The following GPR39 variants were observed in gnomAD, a reference collection of about 807,000 sequenced individuals.
GPR39 encodes G protein-coupled receptor 39.
In GPR39, 23 loss-of-function variants were observed where a neutral mutation model predicts 18.4. The ratio of observed to expected loss-of-function variants is 1.25; its 90% CI spans 0.90 to 1.77. The LOEUF is 1.77. Among genes scored for constraint, GPR39 ranks in the 40% most tolerant of loss-of-function variants. The pLI is 0.00. For missense variants in GPR39, 647 were observed against 602.4 expected (o/e 1.07, Z -0.78); for synonymous variants, 280 against 257.9 (o/e 1.09, Z -0.82).
intron 1 of GPR39, among the ~76,000 whole-genome samples, chr2:132,638,512 G>T (rs913576623): frequency 6.6e-6 from 1 of 152,186 alleles, no homozygotes; most frequent in African/African-American, 2.4e-5. Flanking sequence ...GAAGTTCCCA[G>T]GTGGCGCTGA....
intron 1 of GPR39, among the ~76,000 whole-genome samples, chr2:132,516,147 C>T (rs1458907254): frequency 1.3e-5 from 2 of 152,098 alleles, no homozygotes; most frequent in African/African-American, 2.4e-5. Context: ...TCTTGCTCGC[C>T]AGGCTTTTGA....
chr2:132,459,581 C>T (rs1355157481), intron 1 of GPR39, among the ~76,000 whole-genome samples: 1 of 152,134 alleles, frequency 6.6e-6, no homozygotes, highest in African/African-American at 2.4e-5. Flanking sequence ...CATTTAGGGA[C>T]ATGGTCTGGG....
At chr2:132,461,363 A>G (rs1680829304) in intron 1 of GPR39, among the ~76,000 whole-genome samples, 1 of 152,184 alleles carries the variant, frequency 6.6e-6, no homozygotes, top group South Asian at 2.1e-4. Flanking sequence ...ATCGTGCTCA[A>G]GGTACTGCCA....
At chr2:132,619,443 C>G (rs1442926004) in intron 1 of GPR39, among the ~76,000 whole-genome samples, 1 of 152,146 alleles carries the variant, frequency 6.6e-6, no homozygotes, top group Non-Finnish European at 1.5e-5. Flanking sequence ...GGGGCAGAAC[C>G]TTGTGGCAGG....
intron 1 of GPR39, among the ~76,000 whole-genome samples, chr2:132,515,390 AG>A (rs1480380301): frequency 6.6e-6 from 1 of 152,214 alleles, no homozygotes. Flanking sequence ...CAGCTAAAAC[AG>A]GGCCTGGAGA....
chr2:132,548,996 A>G (rs1679994753), intron 1 of GPR39, among the ~76,000 whole-genome samples: 1 of 152,118 alleles, frequency 6.6e-6, no homozygotes, highest in South Asian at 2.1e-4. Flanking sequence ...GTATGTGTAT[A>G]TGTATTCTTA....
intron 1 of GPR39, among the ~76,000 whole-genome samples, chr2:132,486,916 T>C (rs1429864495): frequency 6.6e-6 from 1 of 152,216 alleles, no homozygotes; most frequent in Non-Finnish European, 1.5e-5. Flanking sequence ...TCAGCCTAAC[T>C]CGGCTTTCGA....
At chr2:132,466,394 C>T (rs985036485) in intron 1 of GPR39, among the ~76,000 whole-genome samples, 7 of 152,104 alleles carry the variant, frequency 4.6e-5, no homozygotes, top group African/African-American at 1.4e-4. Context: ...AGTTTCCTTG[C>T]GATTTATCTT....
chr2:132,427,821 T>A (rs935225153), intron 1 of GPR39, among the ~76,000 whole-genome samples: 1 of 148,844 alleles, frequency 6.7e-6, no homozygotes, highest in African/African-American at 2.5e-5. Flanking sequence ...CCTTAGCCTC[T>A]TGGTAGCTAG....
intron 1 of GPR39, among the ~76,000 whole-genome samples, chr2:132,551,655 A>G (rs1680046523): frequency 6.6e-6 from 1 of 152,216 alleles, no homozygotes; most frequent in South Asian, 2.1e-4. Context: ...AAACAATTCC[A>G]TTGCCAGACA....
intron 1 of GPR39, among the ~76,000 whole-genome samples, chr2:132,466,242 A>G (rs1265396485): frequency 6.6e-6 from 1 of 152,216 alleles, no homozygotes; most frequent in Non-Finnish European, 1.5e-5. Flanking sequence ...ATATTTTCTC[A>G]ATATTTCAGT....
chr2:132,569,766 T>C (rs1002934992), intron 1 of GPR39, among the ~76,000 whole-genome samples: 27 of 152,072 alleles, frequency 1.8e-4, no homozygotes, highest in Non-Finnish European at 7.3e-5. Flanking sequence ...CAGTGGGAGA[T>C]GATTGAATCA....
chr2:132,560,962 AGT>A (rs34769324), intron 1 of GPR39, among the ~76,000 whole-genome samples: 57,224 of 147,662 alleles, frequency 0.39, 12,801 homozygotes, highest in East Asian at 0.77. Context: ...CCCAGGCTGG[AGT>A]GTGTAGTGGC....
At chr2:132,568,289 G>A (rs1040919727) in intron 1 of GPR39, among the ~76,000 whole-genome samples, 2 of 152,054 alleles carry the variant, frequency 1.3e-5, no homozygotes, top group African/African-American at 4.8e-5. Context: ...TCCTTTTCAT[G>A]GTCTTGGAGT....
chr2:132,515,946 C>G (rs1423046908), intron 1 of GPR39, among the ~76,000 whole-genome samples: 1 of 152,148 alleles, frequency 6.6e-6, no homozygotes, highest in African/African-American at 2.4e-5. Flanking sequence ...TTTCTGAAGC[C>G]TCCCATGTCA....
chr2:132,640,082 TCTC>T (rs1193010443), intron 1 of GPR39, among the ~76,000 whole-genome samples: 2 of 152,104 alleles, frequency 1.3e-5, no homozygotes, highest in Non-Finnish European at 2.9e-5. Flanking sequence ...GGTCTCAAGG[TCTC>T]CTCTTGATCT....
At chr2:132,438,579 T>A in intron 1 of GPR39, among the ~76,000 whole-genome samples, 1 of 62,646 alleles carries the variant, frequency 1.6e-5, no homozygotes. Flanking sequence ...CAAGCTTTTT[T>A]TTTTTTTTTT....
chr2:132,487,576 A>G (rs1376222503), intron 1 of GPR39, among the ~76,000 whole-genome samples: 2 of 152,244 alleles, frequency 1.3e-5, no homozygotes, highest in East Asian at 1.9e-4. Context: ...GATGCTTTAA[A>G]TGATTAAGCA....
Position 132,568,532 on chromosome 2 carries a change from C to G in GPR39, c.857-76569C>G, listed in dbSNP as rs1680390412. On this transcript the variant is annotated intron_variant, in intron 1 of 1. Transcript: ENST00000329321. ...ACCAGCCTAGCCAACAGGGCGAAAC[C>G]CTGTCTCTATTAAAAATACAAAAAT... is the stretch of plus-strand genomic sequence containing the variant. Among the ~76,000 whole-genome samples the G allele has an allele frequency of 1.3e-5, 2 of 151,962 alleles. 1 individual carries two copies. The highest frequency in any genetic ancestry group is 4.2e-4 in the South Asian group (2 of 4,812).
Sources: allele counts gnomAD v4.1 joint callset (sites outside exome capture counted in the v4.1 genomes callset), GRCh38; gene constraint gnomAD v4.1.1; transcripts MANE v1.5; gene names NCBI Gene and HGNC (gene_info 2026-07-23, HGNC 2026-07-21).